The following HORMAD2 variants were observed in gnomAD, a reference collection of about 807,000 sequenced individuals.
HORMAD2 encodes the protein HORMA domain containing 2, also known as HORMA domain-containing protein 2.
A neutral mutation model predicts 38.8 loss-of-function variants in HORMAD2; 45 were observed. That is an observed-to-expected ratio of 1.16 (90% CI 0.91 to 1.49). HORMAD2 has a LOEUF of 1.49. Ranked by LOEUF, HORMAD2 falls within the 40% of genes most tolerant of loss-of-function variation. The pLI is 0.00. For missense variants in HORMAD2, 338 were observed against 367.0 expected (o/e 0.92, Z 0.65); for synonymous variants, 126 against 122.8 (o/e 1.03, Z -0.17).
chr22:30,175,109 G>A (rs2412978), intron 10 of HORMAD2, among the ~76,000 whole-genome samples: 149,337 of 149,760 alleles, frequency 1, 74,458 homozygotes, highest in East Asian at 1. Flanking sequence ...TTTTGTTATA[G>A]TAACATATCA....
chr22:30,114,432 A>G lies in HORMAD2; in HGVS notation c.342+1910A>G, dbSNP rs186397781. ...TCATAGGGCCTAAAAAGCATCCACA[A>G]GTTACATTATTTTATGATTGCTATT... On this transcript the variant is annotated intron_variant, in intron 7 of 10. Transcript: ENST00000336726. Among the ~76,000 whole-genome samples, 39 of 152,348 alleles carry G rather than the reference A, an allele frequency of 2.6e-4. No homozygotes were observed. The East Asian group carries it at 7.1e-3, about 28-fold the overall frequency.
the HORMAD2 span, among the ~76,000 whole-genome samples, chr22:30,206,374 G>C: frequency 6.6e-6 from 1 of 152,148 alleles, no homozygotes; most frequent in Non-Finnish European, 1.5e-5. Flanking sequence ...TGGCCAGGCT[G>C]GTCTCCAACT....
intron 2 of HORMAD2, 25 bp downstream of exon 2, chr22:30,094,028 A>T: frequency 6.6e-7 from 1 of 1,507,700 alleles, no homozygotes; most frequent in Non-Finnish European, 9.1e-7. Flanking sequence ...TTAAAAGAAA[A>T]TCAATGACCA....
At chr22:30,198,438 A>T in the HORMAD2 span, among the ~76,000 whole-genome samples, 1 of 151,942 alleles carries the variant, frequency 6.6e-6, no homozygotes, top group African/African-American at 2.4e-5. Flanking sequence ...ACACACAGAT[A>T]CCTGAATGCC....
At chr22:30,165,630 A>G (rs754260520) in intron 10 of HORMAD2, among the ~76,000 whole-genome samples, 6 of 151,858 alleles carry the variant, frequency 4.0e-5, no homozygotes, top group Non-Finnish European at 8.8e-5. Context: ...ATTTTTTTCT[A>G]TATTTTGTTT....
rs1158949961 is a variant in HORMAD2 at position 30,100,127 on chromosome 22, GA to G, written c.193+1138del. ...ACCAAAAAGGAGCCCATATAGCCAA[GA>G]AAATCCTAAGCAAAAAGAACAAAGC... On this transcript the variant is annotated intron_variant, in intron 3 of 10. Coordinates refer to ENST00000336726, the MANE Select transcript of HORMAD2 (RefSeq NM_152510.4). Among the ~76,000 whole-genome samples, 6 of 152,202 alleles carry G rather than the reference GA, an allele frequency of 3.9e-5. No homozygotes were observed. The South Asian group carries it at 8.3e-4, about 21-fold the overall frequency.
At position 30,122,025 on chromosome 22, in the gene HORMAD2, G is replaced by C; in HGVS notation, c.630G>C (p.Leu210=). The part of the protein sequence containing the change: ...FKEGVNSHFL[L]FDKEPINVQV... ...AAGGGGTAAATTCACACTTCCTGCT[G>C]TTTGACAAGGAGCCTATCAACGTGC... The change falls in exon 10 of 11, where the codon CTG becomes CTC. Residue 210 remains leucine (L), a synonymous_variant. Coordinates refer to ENST00000336726, the MANE Select transcript of HORMAD2 (RefSeq NM_152510.4). The C allele has an allele frequency of 1.9e-6, 3 of 1,613,170 alleles. No homozygotes were observed. Among genetic ancestry groups the C allele is most frequent in the South Asian group, 2.2e-5 (2 of 90,940 alleles).
In HORMAD2 at chr22:30,099,516, T is replaced by C. The variant is rs1920929586; in HGVS notation, c.193+523T>C. Among the ~76,000 whole-genome samples, 4 of 152,206 alleles carry C rather than the reference T, an allele frequency of 2.6e-5. No individual in the cohort carries two copies. The South Asian group carries it at 8.3e-4, about 31-fold the overall frequency. ...AGGTCTTCTACTTTCATTCCTTTTG[T>C]TTCAGTGCTCTTAAACTTATCATCT... is the stretch of plus-strand genomic sequence containing the variant. On this transcript the variant is annotated intron_variant, in intron 3 of 10. Transcript: ENST00000336726.
chr22:30,091,385 C>A (rs1223669951), intron 1 of HORMAD2, among the ~76,000 whole-genome samples: 1 of 151,140 alleles, frequency 6.6e-6, no homozygotes, highest in Non-Finnish European at 1.5e-5. Flanking sequence ...TCCACCTTAG[C>A]TTCCCAAGTA....
the HORMAD2 span, among the ~76,000 whole-genome samples, chr22:30,204,474 G>T: frequency 2.6e-3 from 393 of 152,334 alleles, no homozygotes; most frequent in African/African-American, 9.1e-3. Context: ...TCAGGCGGCT[G>T]CCCTGGGCCA....
the HORMAD2 span, among the ~76,000 whole-genome samples, chr22:30,185,302 C>G: frequency 6.6e-6 from 1 of 152,186 alleles, no homozygotes; most frequent in Non-Finnish European, 1.5e-5. Flanking sequence ...CGAGCAAAAG[C>G]GAGCTTCGTC....
At chr22:30,122,254 A>C (rs562288347) in intron 10 of HORMAD2, 40 bp downstream of exon 10, 2 of 1,559,676 alleles carry the variant, frequency 1.3e-6, no homozygotes, top group African/African-American at 1.4e-5. Flanking sequence ...GTGTCAGTTA[A>C]ACACAATTGA....
chr22:30,083,807 T>G (rs1376402319), intron 1 of HORMAD2, among the ~76,000 whole-genome samples: 1 of 152,104 alleles, frequency 6.6e-6, no homozygotes, highest in Non-Finnish European at 1.5e-5. Flanking sequence ...TTCACCATGT[T>G]TTTTGAAAAA....
chr22:30,149,452 T>G (rs974780610), intron 10 of HORMAD2, among the ~76,000 whole-genome samples: 1 of 152,238 alleles, frequency 6.6e-6, no homozygotes, highest in African/African-American at 2.4e-5. Flanking sequence ...ATATAGAACA[T>G]TCCCATCATC....
At chr22:30,122,563 A>C (rs1033222584) in intron 10 of HORMAD2, among the ~76,000 whole-genome samples, 28 of 152,234 alleles carry the variant, frequency 1.8e-4, no homozygotes, top group Non-Finnish European at 2.9e-5. Flanking sequence ...CATTGGAAGT[A>C]TAAATCAGTT....
In HORMAD2 at chr22:30,121,680, TA is replaced by T; in HGVS notation, c.461del (p.Lys154ArgfsTer7). ...AAAGTGGAACAAACAATGAAGATAT[TA>T]AGAAAGCCAGTGTTCTACTGATCCG... ...FESGTNNEDI[K>X]KASVLLIRKL... On this transcript the variant is annotated frameshift_variant, in exon 9 of 11. Coordinates refer to ENST00000336726, the MANE Select transcript of HORMAD2 (RefSeq NM_152510.4). LOFTEE classifies it high-confidence loss of function. 6.2e-7 allele frequency: 1 copy of T among 1,606,424 alleles called. No individual in the cohort carries two copies. The highest frequency in any genetic ancestry group is 8.5e-7 in the Non-Finnish European group (1 of 1,176,114).
chr22:30,134,569 T>G (rs538545002), intron 10 of HORMAD2, among the ~76,000 whole-genome samples: 2 of 151,340 alleles, frequency 1.3e-5, no homozygotes, highest in Admixed American at 1.3e-4. Context: ...ACTGGTCTTC[T>G]GAAGTCTTAG....
chr22:30,109,231 G>A (rs1401734048), intron 5 of HORMAD2, among the ~76,000 whole-genome samples: 2 of 151,490 alleles, frequency 1.3e-5, no homozygotes, highest in Admixed American at 6.6e-5. Flanking sequence ...TCACCATGTC[G>A]GCCATGCTGG....
At chr22:30,130,951 A>G (rs1471707841) in intron 10 of HORMAD2, among the ~76,000 whole-genome samples, 1 of 152,018 alleles carries the variant, frequency 6.6e-6, no homozygotes. Context: ...TACTAAGTCT[A>G]CACAAACACA....
Sources: gnomAD v4.1 joint callset for allele counts (sites outside exome capture counted in the v4.1 genomes callset) on GRCh38, gnomAD v4.1.1 for gene constraint, MANE v1.5 for transcripts, NCBI Gene and HGNC (gene_info 2026-07-23, HGNC 2026-07-21) for gene names.